DOCK1: variants seen among roughly 807,000 people sequenced by gnomAD.
DOCK1 encodes the protein dedicator of cytokinesis 1.
In DOCK1, 138 loss-of-function variants were observed where a neutral mutation model predicts 262.7. The observed-to-expected ratio is 0.53, with a 90% CI of 0.46 to 0.61. DOCK1 has a LOEUF of 0.61. DOCK1 is among the 20% of genes least tolerant of loss of function. The probability of loss-of-function intolerance (pLI) is 0.00; values close to 1 mark genes in which losing one functional copy is unlikely to be tolerated. For synonymous variants in DOCK1, 866 were observed against 867.4 expected, an observed-to-expected ratio of 1.00 and a Z score of 0.03; for missense variants, 1,908 against 2,370.7, an observed-to-expected ratio of 0.80 and a Z score of 4.05.
chr10:127,296,642 C>G (rs2061514205), intron 29 of DOCK1, among the ~76,000 whole-genome samples: 1 of 152,238 alleles, frequency 6.6e-6, no homozygotes, highest in African/African-American at 2.4e-5. Context: ...GTTTGCTTCT[C>G]TGTCTGCCTC....
intron 28 of DOCK1, among the ~76,000 whole-genome samples, chr10:127,253,874 C>CCA (rs1554931830): frequency 6.9e-5 from 7 of 101,480 alleles, no homozygotes; most frequent in African/African-American, 2.5e-4. Context: ...GACCCTGTCT[C>CCA]AAAAAAAAAA....
rs951966921 is a variant in DOCK1, at chr10:127,419,586, A to G, written c.4693-80A>G. ...CTGTTTTATGCACAGCTCTATTCTC[A>G]GGGCCTGGCACACAGTAAGTGTGCA... On this transcript the variant is annotated intron_variant, in intron 45 of 51. Coordinates refer to ENST00000623213, the MANE Select transcript of DOCK1 (RefSeq NM_001290223.2). 4 of 1,349,170 alleles carry G rather than the reference A, an allele frequency of 3.0e-6. No homozygotes were observed. In the Admixed American group the frequency reaches 5.9e-5, roughly 20 times the overall value. 83.6% of individuals were successfully genotyped at this position (1,349,170 alleles called of 1,614,324 possible). A position where few individuals can be genotyped will look rare whatever the true frequency, so the allele number is the denominator to read the frequency against.
chr10:127,277,792 C>T (rs965392055), intron 29 of DOCK1, among the ~76,000 whole-genome samples: 5 of 152,216 alleles, frequency 3.3e-5, no homozygotes, highest in African/African-American at 7.2e-5. Flanking sequence ...ATCGATGAAA[C>T]GATTTGAACG....
At chr10:127,174,095 C>CAATCCTCTTA (rs2133871813) in intron 27 of DOCK1, among the ~76,000 whole-genome samples, 1 of 152,346 alleles carries the variant, frequency 6.6e-6, no homozygotes, top group East Asian at 1.9e-4. Flanking sequence ...TCAGCCACAG[C>CAATCCTCTTA]AATCCTCTTA....
At chr10:126,982,663 G>A (rs1311006406) in intron 4 of DOCK1, among the ~76,000 whole-genome samples, 1 of 152,138 alleles carries the variant, frequency 6.6e-6, no homozygotes, top group Non-Finnish European at 1.5e-5. Context: ...TTACAAAATT[G>A]CCTTTCCAAG....
chr10:127,068,019 A>G (rs1420337543), intron 23 of DOCK1, among the ~76,000 whole-genome samples: 4 of 152,108 alleles, frequency 2.6e-5, no homozygotes, highest in African/African-American at 9.7e-5. Flanking sequence ...TTTCCATTCT[A>G]ACCATCACAT....
At chr10:127,141,218 C>T (rs2051209646) in intron 27 of DOCK1, among the ~76,000 whole-genome samples, 1 of 152,190 alleles carries the variant, frequency 6.6e-6, no homozygotes, top group African/African-American at 2.4e-5. Context: ...TTTGCACTAA[C>T]CACAGATAAT....
intron 4 of DOCK1, among the ~76,000 whole-genome samples, chr10:126,986,013 T>C (rs116268139): frequency 6.6e-6 from 1 of 151,904 alleles, no homozygotes; most frequent in African/African-American, 2.4e-5. Flanking sequence ...CCCGGCTGAT[T>C]TTTTGTATTT....
At chr10:127,061,389 T>C (rs983935074) in intron 22 of DOCK1, among the ~76,000 whole-genome samples, 6 of 152,236 alleles carry the variant, frequency 3.9e-5, no homozygotes, top group Admixed American at 3.9e-4. Context: ...GTATATTTTC[T>C]GTGTTTTTCA....
At chr10:127,313,948 C>T (rs895589547) in intron 29 of DOCK1, among the ~76,000 whole-genome samples, 7 of 152,098 alleles carry the variant, frequency 4.6e-5, no homozygotes, top group Admixed American at 2.0e-4. Flanking sequence ...ATGTGCACAT[C>T]GATTTGTTCT....
chr10:127,024,713 A>T lies in DOCK1; in HGVS notation c.1481A>T (p.Glu494Val). 6.2e-7 allele frequency: 1 copy of T among 1,612,344 alleles called. No individual in the cohort carries two copies. Among genetic ancestry groups the T allele is most frequent in the Non-Finnish European group, 8.5e-7 (1 of 1,179,378 alleles). Residue 494 changes from glutamate (E) to valine (V), a missense_variant, in exon 15 of 52, where the codon GAA (glutamate) becomes GTA (valine). Glu to Val is a moderately radical substitution (Grantham distance 121). Around this residue, in one of 9 missense-constraint regions of DOCK1, gnomAD observed 294 missense variants for 439.9 expected, o/e 0.67. Transcript: ENST00000623213. Reference sequence around the variant, plus strand: ...GTGATTTTCCCGGGTGCTGGTGATGAAGCGATTTCAGAGTACAAATCTGTG... The same window carrying T: ...GTGATTTTCCCGGGTGCTGGTGATGTAGCGATTTCAGAGTACAAATCTGTG... Reference protein sequence around the residue: ...EHVIFPGAGDEAISEYKSVIY... With the variant: ...EHVIFPGAGDVAISEYKSVIY...
At chr10:127,026,239 C>A in intron 15 of DOCK1, 113 bp from the exon 16 acceptor site, 1 of 1,039,664 alleles carries the variant, frequency 9.6e-7, no homozygotes, top group Non-Finnish European at 1.5e-6. Flanking sequence ...ACAGTATTTT[C>A]ACCACTGCAG....
In DOCK1 at chr10:127,024,667, T is replaced by G. The variant is rs895801403; in HGVS notation, c.1453-18T>G. The G allele has an allele frequency of 1.3e-6, 2 of 1,599,518 alleles. No homozygotes were observed. The highest frequency in any genetic ancestry group is 2.7e-5 in the African/African-American group (2 of 74,736). On this transcript the variant is annotated intron_variant, in intron 14 of 51. Transcript: ENST00000623213. ...CTCTATGAGGTCTTACGTGAGCTCT[T>G]TATGTCTTCTTTTAAAGCATGTGAT...
Position 127,446,205 on chromosome 10 carries a change from G to A in DOCK1, c.5414-1189G>A, listed in dbSNP as rs529705088. ...GCGGAGGTTGCAGTGAGCTGAGATCGCACCACTGCACTCCAGCCTGGGCGA... is the reference window on the plus strand; with the variant it reads ...GCGGAGGTTGCAGTGAGCTGAGATCACACCACTGCACTCCAGCCTGGGCGA... On this transcript the variant is annotated intron_variant, in intron 50 of 51. Coordinates refer to ENST00000623213, the MANE Select transcript of DOCK1 (RefSeq NM_001290223.2). The surrounding 1 kb of genome is among the most constrained non-coding windows in gnomAD (Gnocchi z 4.4). 1.3e-5 allele frequency among the ~76,000 whole-genome samples: 2 copies of A among 151,632 alleles called. No homozygotes were observed. Among genetic ancestry groups the A allele is most frequent in the African/African-American group, 2.4e-5 (1 of 41,304 alleles).
chr10:127,305,219 A>T (rs542001993), intron 29 of DOCK1, among the ~76,000 whole-genome samples: 2 of 151,824 alleles, frequency 1.3e-5, no homozygotes, highest in Non-Finnish European at 2.9e-5. Flanking sequence ...TCATTTTCTC[A>T]TGTCACATTT....
chr10:126,952,002 A>G (rs908507013), intron 1 of DOCK1, among the ~76,000 whole-genome samples: 1 of 151,906 alleles, frequency 6.6e-6, no homozygotes, highest in Non-Finnish European at 1.5e-5. Context: ...GATGTGTACC[A>G]CCAGGCCCAG....
rs1714761739 is a variant in DOCK1 at position 126,990,496 on chromosome 10, C to T, written c.366C>T (p.Ile122=). Residue 122 remains isoleucine, a synonymous_variant, in exon 6 of 52, where the codon ATC becomes ATT. Coordinates refer to ENST00000623213, the MANE Select transcript of DOCK1 (RefSeq NM_001290223.2). ...TGTTTCGAAGTGTGCGGCACATGAT[C>T]TATGACCTTATTGAATGGCGATCAC... ...REMFRSVRHM[I]YDLIEWRSQI... 2 of 1,613,260 alleles carry T rather than the reference C, an allele frequency of 1.2e-6. No individual in the cohort carries two copies. The highest frequency in any genetic ancestry group is 1.7e-6 in the Non-Finnish European group (2 of 1,179,632).
chr10:127,312,282 A>T (rs1278036065), intron 29 of DOCK1, among the ~76,000 whole-genome samples: 1 of 152,152 alleles, frequency 6.6e-6, no homozygotes, highest in Non-Finnish European at 1.5e-5. Context: ...AATAGCGGTG[A>T]TGATCACCAG....
At chr10:127,003,963 C>T (rs929393182) in intron 10 of DOCK1, among the ~76,000 whole-genome samples, 4 of 150,936 alleles carry the variant, frequency 2.7e-5, no homozygotes, top group Non-Finnish European at 4.4e-5. Flanking sequence ...CCCCTCCCCC[C>T]CAAAAAAAAG....
Sources: allele counts gnomAD v4.1 joint callset (sites outside exome capture counted in the v4.1 genomes callset), GRCh38; gene constraint gnomAD v4.1.1; regional missense constraint gnomAD v4.1.1; non-coding constraint Gnocchi (gnomAD v3.1); transcripts MANE v1.5; gene names NCBI Gene and HGNC (gene_info 2026-07-23, HGNC 2026-07-21).